Variants in PPM1H observed in about 807,000 individuals in gnomAD.
The protein encoded by PPM1H is protein phosphatase, Mg2+/Mn2+ dependent 1H, also known as protein phosphatase 1H.
A neutral mutation model predicts 54.9 loss-of-function variants in PPM1H; 27 were observed. The observed-to-expected ratio is 0.49, with a 90% CI of 0.36 to 0.68. The LOEUF (loss-of-function observed/expected upper bound fraction) is 0.68. PPM1H is among the 30% of genes least tolerant of loss of function. The probability of loss-of-function intolerance (pLI) is 0.00; values close to 1 mark genes in which losing one functional copy is unlikely to be tolerated. For synonymous variants in PPM1H, 305 were observed against 270.8 expected, an observed-to-expected ratio of 1.13 and a Z score of -1.24; for missense variants, 596 against 667.8, an observed-to-expected ratio of 0.89 and a Z score of 1.19.
intron 4 of PPM1H, among the ~76,000 whole-genome samples, chr12:62,780,933 A>C (rs2076638193): frequency 6.6e-6 from 1 of 152,230 alleles, no homozygotes. Context: ...CAGCATTTCT[A>C]AGTGCAAATA....
chr12:62,683,053 TA>T (rs1305806366), intron 8 of PPM1H, among the ~76,000 whole-genome samples: 1 of 140,378 alleles, frequency 7.1e-6, no homozygotes, highest in East Asian at 2.0e-4. Flanking sequence ...TTATTATTAT[TA>T]TTATTATTAT....
intron 1 of PPM1H, among the ~76,000 whole-genome samples, chr12:62,885,566 T>G (rs1870558763): frequency 6.6e-6 from 1 of 152,172 alleles, no homozygotes; most frequent in Non-Finnish European, 1.5e-5. Context: ...TCACAAGTCC[T>G]GCCCACACTC....
At chr12:62,883,480 A>G (rs1282334569) in intron 1 of PPM1H, among the ~76,000 whole-genome samples, 1 of 152,180 alleles carries the variant, frequency 6.6e-6, no homozygotes, top group Non-Finnish European at 1.5e-5. Flanking sequence ...CCAGAACCTC[A>G]AAGCAGGGCA....
chr12:62,712,608 A>C (rs1051722199), intron 6 of PPM1H, among the ~76,000 whole-genome samples: 1 of 152,222 alleles, frequency 6.6e-6, no homozygotes, highest in Non-Finnish European at 1.5e-5. Flanking sequence ...AGTGATTAAA[A>C]GCAGAAAGAG....
chr12:62,694,075 G>T, intron 6 of PPM1H, 76 bp from the exon 7 acceptor site: 1 of 1,337,010 alleles, frequency 7.5e-7, no homozygotes, highest in Non-Finnish European at 1.0e-6. Context: ...CGACTGCTAG[G>T]GATTTCATTT....
intron 8 of PPM1H, among the ~76,000 whole-genome samples, chr12:62,669,516 G>A (rs17733093): frequency 0.014 from 2,147 of 152,304 alleles, 138 homozygotes; most frequent in Admixed American, 0.099. Flanking sequence ...TACTGGGCCA[G>A]ATTTGTACAC....
intron 1 of PPM1H, among the ~76,000 whole-genome samples, chr12:62,893,272 A>G (rs1870864262): frequency 6.6e-6 from 1 of 152,132 alleles, no homozygotes; most frequent in South Asian, 2.1e-4. Flanking sequence ...AACAACATAA[A>G]TTTGTACCTT....
intron 4 of PPM1H, among the ~76,000 whole-genome samples, chr12:62,783,823 C>T (rs1592597039): frequency 1.3e-5 from 2 of 152,170 alleles, no homozygotes; most frequent in South Asian, 4.1e-4. Flanking sequence ...GTCTCAGTTG[C>T]TAAACCTTTA....
intron 1 of PPM1H, among the ~76,000 whole-genome samples, chr12:62,838,688 G>A (rs1443303248): frequency 2.0e-5 from 2 of 102,492 alleles, no homozygotes; most frequent in Non-Finnish European, 4.0e-5. Flanking sequence ...TTGGGAGGCC[G>A]AGGCGGGCGG....
At chr12:62,861,142 A>G (rs1054256020) in intron 1 of PPM1H, among the ~76,000 whole-genome samples, 1 of 152,242 alleles carries the variant, frequency 6.6e-6, no homozygotes, top group Non-Finnish European at 1.5e-5. Flanking sequence ...GAACTAGACT[A>G]GGTTAAAATC....
intron 5 of PPM1H, among the ~76,000 whole-genome samples, chr12:62,736,599 T>C (rs936135724): frequency 6.6e-6 from 1 of 152,258 alleles, no homozygotes; most frequent in Non-Finnish European, 1.5e-5. Context: ...GCAGAGCTGC[T>C]TTCTAAATCA....
At chr12:62,790,057 C>A (rs2076694403) in intron 3 of PPM1H, among the ~76,000 whole-genome samples, 1 of 152,166 alleles carries the variant, frequency 6.6e-6, no homozygotes, top group African/African-American at 2.4e-5. Flanking sequence ...CTGTTGTTGG[C>A]AGATCTAGGG....
intron 2 of PPM1H, among the ~76,000 whole-genome samples, chr12:62,804,749 C>T (rs1173677668): frequency 1.4e-5 from 2 of 141,912 alleles, no homozygotes; most frequent in Non-Finnish European, 3.0e-5. Context: ...GATCTCGGCT[C>T]ACTGCAAGCT....
chr12:62,889,208 A>G (rs1360068519), intron 1 of PPM1H, among the ~76,000 whole-genome samples: 2 of 152,208 alleles, frequency 1.3e-5, no homozygotes, highest in African/African-American at 4.8e-5. Context: ...CTTGATCTAC[A>G]TACTCAATGC....
chr12:62,684,918 G>A (rs1002262939), intron 8 of PPM1H, among the ~76,000 whole-genome samples: 1 of 152,086 alleles, frequency 6.6e-6, no homozygotes, highest in Non-Finnish European at 1.5e-5. Context: ...TCCAAAAATT[G>A]TGGACAGGGG....
intron 4 of PPM1H, among the ~76,000 whole-genome samples, chr12:62,779,683 G>T (rs531746047): frequency 6.6e-6 from 1 of 152,300 alleles, no homozygotes; most frequent in South Asian, 2.1e-4. Context: ...ACACACAATA[G>T]TGGCAGAGCC....
At chr12:62,874,212 T>C (rs553976806) in intron 1 of PPM1H, among the ~76,000 whole-genome samples, 13 of 152,202 alleles carry the variant, frequency 8.5e-5, no homozygotes, top group Non-Finnish European at 1.8e-4. Context: ...TAGTCCAGAA[T>C]ATAAATTGCA....
rs7309384 is a variant in PPM1H at position 62,844,673 on chromosome 12, T to C, written c.246-12394A>G. The stretch of plus-strand genomic sequence containing the variant: ...CAAGGGTAGATGTGTTCCAAAATGT[T>C]GTGTGTTTATTTCAGTTGTGTTCTC... On this transcript the variant is annotated intron_variant, in intron 1 of 9. Coordinates refer to ENST00000228705, the MANE Select transcript of PPM1H (RefSeq NM_020700.2). The surrounding 1 kb of genome is among the most constrained non-coding windows in gnomAD (Gnocchi z 5.2). Among the ~76,000 whole-genome samples, 1 of 152,200 alleles carries C rather than the reference T, an allele frequency of 6.6e-6. No homozygotes were observed. The highest frequency in any genetic ancestry group is 6.5e-5 in the Admixed American group (1 of 15,288).
chr12:62,839,874 C>CAAAAAAAAAAAAAAAAAAAAAAAAA (rs746381032), intron 1 of PPM1H, among the ~76,000 whole-genome samples: 1 of 84,226 alleles, frequency 1.2e-5, no homozygotes, highest in African/African-American at 4.9e-5. Flanking sequence ...CCTGTTTCTA[C>CAAAAAAAAAAAAAAAAAAAAAAAAA]AAAAAAAAAA....
Sources: gnomAD v4.1 joint callset for allele counts (sites outside exome capture counted in the v4.1 genomes callset) on GRCh38, gnomAD v4.1.1 for gene constraint, Gnocchi (gnomAD v3.1) non-coding constraint, MANE v1.5 for transcripts, NCBI Gene and HGNC (gene_info 2026-07-23, HGNC 2026-07-21) for gene names.